Variants in TNFAIP8L3 observed in about 807,000 individuals in gnomAD.
TNFAIP8L3 encodes the protein TNF alpha induced protein 8 like 3, also known as tumor necrosis factor alpha-induced protein 8-like protein 3.
A neutral mutation model predicts 11.8 loss-of-function variants in TNFAIP8L3; 7 were observed. The observed-to-expected ratio is 0.59, with a 90% CI of 0.34 to 1.11. The LOEUF is 1.11. TNFAIP8L3 is among the 50% of genes most tolerant of loss of function. TNFAIP8L3 has a pLI of 0.03. For synonymous variants in TNFAIP8L3, 98 were observed against 103.8 expected, an observed-to-expected ratio of 0.94 and a Z score of 0.34; for missense variants, 219 against 258.6, an observed-to-expected ratio of 0.85 and a Z score of 1.05.
chr15:51,071,050 C>CA (rs55991711), intron 1 of TNFAIP8L3, among the ~76,000 whole-genome samples: 827 of 30,918 alleles, frequency 0.027, 29 homozygotes, highest in African/African-American at 0.039. Flanking sequence ...GACTCCGTCT[C>CA]AAAAAAAAAA....
intron 1 of TNFAIP8L3, among the ~76,000 whole-genome samples, chr15:51,089,609 C>T (rs906638879): frequency 3.3e-5 from 5 of 152,194 alleles, no homozygotes; most frequent in African/African-American, 1.2e-4. Flanking sequence ...GTACAGAAAT[C>T]TTAAAACACT....
At chr15:51,065,580 A>G (rs1375265082) in intron 1 of TNFAIP8L3, among the ~76,000 whole-genome samples, 1 of 152,244 alleles carries the variant, frequency 6.6e-6, no homozygotes, top group Non-Finnish European at 1.5e-5. Context: ...AATGATGGTT[A>G]TAAAACATGA....
At position 51,057,957 on chromosome 15, in the gene TNFAIP8L3, A is replaced by G. The variant is rs768183374; in HGVS notation, c.539T>C (p.Leu180Pro). 4.3e-6 allele frequency: 7 copies of G among 1,613,924 alleles called. No individual in the cohort carries two copies. Among genetic ancestry groups the G allele is most frequent in the Non-Finnish European group, 3.4e-6 (4 of 1,179,938 alleles). ...DVEFLSTLYS[L>P]DGDCRPNLKR... The stretch of plus-strand genomic sequence containing the variant: ...GAGGTTGGGCCTACAGTCTCCATCC[A>G]GACTATAGAGGGTGGAGAGGAACTC... The change falls in exon 2 of 2, where the codon CTG becomes CCG. Residue 180 changes from leucine to proline, a missense_variant. By Grantham distance (98) the Leu-to-Pro change is moderately conservative. Transcript: ENST00000637513.
chr15:51,090,949 G>A (rs746477714), intron 1 of TNFAIP8L3, among the ~76,000 whole-genome samples: 3 of 152,112 alleles, frequency 2.0e-5, no homozygotes, highest in Non-Finnish European at 4.4e-5. Context: ...AACTGACGTC[G>A]CTGTTTACTC....
chr15:51,069,317 T>G (rs545534160), intron 1 of TNFAIP8L3, among the ~76,000 whole-genome samples: 1 of 152,202 alleles, frequency 6.6e-6, no homozygotes, highest in Non-Finnish European at 1.5e-5. Flanking sequence ...GCACCAAACA[T>G]GACAAAATTT....
At chr15:51,097,022 A>AAAAC (rs1271761757), upstream of TNFAIP8L3, among the ~76,000 whole-genome samples, 3 of 152,228 alleles carry the variant, frequency 2.0e-5, no homozygotes, top group Admixed American at 2.0e-4. Flanking sequence ...GTTATAAGGT[A>AAAAC]AAACAACAAT....
At chr15:51,089,029 G>T (rs2065448578) in intron 1 of TNFAIP8L3, among the ~76,000 whole-genome samples, 1 of 152,152 alleles carries the variant, frequency 6.6e-6, no homozygotes, top group Admixed American at 6.5e-5. Context: ...AGTTCCCATG[G>T]GCTCAACTGA....
upstream of TNFAIP8L3, among the ~76,000 whole-genome samples, chr15:51,097,622 G>A (rs2065522835): frequency 6.6e-6 from 1 of 152,212 alleles, no homozygotes; most frequent in African/African-American, 2.4e-5. Flanking sequence ...TTCCTATGAT[G>A]TACAATCTGT....
intron 1 of TNFAIP8L3, among the ~76,000 whole-genome samples, chr15:51,066,081 A>G (rs2065269266): frequency 6.6e-6 from 1 of 151,864 alleles, no homozygotes; most frequent in Non-Finnish European, 1.5e-5. Flanking sequence ...GGGAAAAAAA[A>G]AAACAAAAAA....
rs2065211482 is a variant in TNFAIP8L3 at position 51,057,198 on chromosome 15, C to T, written c.*683G>A. 6.6e-6 allele frequency: 1 copy of T among 152,214 alleles called. No homozygotes were observed. The highest frequency in any genetic ancestry group is 2.1e-4 in the South Asian group (1 of 4,820). 9.4% of individuals were successfully genotyped at this position (152,214 alleles called of 1,614,324 possible). A position where few individuals can be genotyped will look rare whatever the true frequency, so the allele number is the denominator to read the frequency against. ...GTGCTGGGATTACAGGTGTGAGCCA[C>T]CATGCCTGGCCAAAAAGACGACTCT... On this transcript the variant is annotated 3_prime_UTR_variant, in exon 2 of 2. Coordinates refer to ENST00000637513, the MANE Select transcript of TNFAIP8L3 (RefSeq NM_001311175.2).
chr15:51,105,009 T>A (rs765424480), exon 1 of TNFAIP8L3: 33 of 1,614,038 alleles, frequency 2.0e-5, no homozygotes, highest in Non-Finnish European at 4.2e-6. Context: ...GCTGACCAAG[T>A]CCCTTTCCCC....
chr15:51,069,774 A>G (rs1294694519), intron 1 of TNFAIP8L3, among the ~76,000 whole-genome samples: 1 of 152,232 alleles, frequency 6.6e-6, no homozygotes, highest in Non-Finnish European at 1.5e-5. Context: ...CAATTTAAGT[A>G]ATTCACTGCA....
At chr15:51,095,151 C>T (rs1011616052), upstream of TNFAIP8L3, among the ~76,000 whole-genome samples, 11 of 151,074 alleles carry the variant, frequency 7.3e-5, no homozygotes, top group African/African-American at 2.7e-4. Flanking sequence ...GGTTCGAGTC[C>T]AACTCCTCCG....
chr15:51,061,425 CA>C (rs1402508715), intron 1 of TNFAIP8L3, among the ~76,000 whole-genome samples: 1 of 152,170 alleles, frequency 6.6e-6, no homozygotes, highest in Non-Finnish European at 1.5e-5. Context: ...TAAATAGTGA[CA>C]TTTTCAAATT....
intron 1 of TNFAIP8L3, among the ~76,000 whole-genome samples, chr15:51,066,068 A>C (rs914047648): frequency 3.3e-5 from 5 of 150,086 alleles, no homozygotes; most frequent in African/African-American, 1.2e-4. Flanking sequence ...CTTAATTGTT[A>C]GGGGGAAAAA....
intron 1 of TNFAIP8L3, among the ~76,000 whole-genome samples, chr15:51,081,033 GT>G (rs1303128949): frequency 6.6e-6 from 1 of 152,116 alleles, no homozygotes; most frequent in Non-Finnish European, 1.5e-5. Flanking sequence ...GTAAGGGCCT[GT>G]TTTTTTTCTC....
chr15:51,057,303 A>G lies in TNFAIP8L3; in HGVS notation c.*578T>C, dbSNP rs1162245796. 1 of 152,256 alleles carries G rather than the reference A, an allele frequency of 6.6e-6. No homozygotes were observed. Among genetic ancestry groups the G allele is most frequent in the Non-Finnish European group, 1.5e-5 (1 of 68,068 alleles). 9.4% of individuals were successfully genotyped at this position (152,256 alleles called of 1,614,324 possible). Reference sequence around the variant, plus strand: ...TTTGTCTGAAGCAGTGCATTTAGAGAGAGATTGCAAACCCAGTCCATTAGA... The same window carrying G: ...TTTGTCTGAAGCAGTGCATTTAGAGGGAGATTGCAAACCCAGTCCATTAGA... On this transcript the variant is annotated 3_prime_UTR_variant, in exon 2 of 2. Coordinates refer to ENST00000637513, the MANE Select transcript of TNFAIP8L3 (RefSeq NM_001311175.2).
chr15:51,101,835 A>T (rs1414000415), intron 1 of TNFAIP8L3, among the ~76,000 whole-genome samples: 2 of 149,092 alleles, frequency 1.3e-5, no homozygotes, highest in Non-Finnish European at 1.5e-5. Context: ...AGTCCCAGCT[A>T]CTCGGGAGGC....
At chr15:51,092,846 C>T (rs943865673) in intron 1 of TNFAIP8L3, among the ~76,000 whole-genome samples, 8 of 152,168 alleles carry the variant, frequency 5.3e-5, no homozygotes, top group African/African-American at 7.2e-5. Flanking sequence ...TCCCTGCCCC[C>T]GGCTTCTCTT....
Sources: gnomAD v4.1 joint callset for allele counts (sites outside exome capture counted in the v4.1 genomes callset) on GRCh38, gnomAD v4.1.1 for gene constraint, MANE v1.5 for transcripts, NCBI Gene and HGNC (gene_info 2026-07-23, HGNC 2026-07-21) for gene names.